Variants in KCNH8 observed in about 807,000 individuals in gnomAD.
KCNH8 encodes the protein voltage-gated delayed rectifier potassium channel KCNH8.
In KCNH8, 70 loss-of-function variants were observed where a neutral mutation model predicts 103.6. The ratio of observed to expected loss-of-function variants is 0.68; its 90% CI spans 0.56 to 0.82. The LOEUF (loss-of-function observed/expected upper bound fraction) is 0.82. Ranked by LOEUF, KCNH8 falls within the 40% of genes least tolerant of loss-of-function variation. The pLI, the probability that KCNH8 is intolerant of heterozygous loss-of-function variation, is 0.00. For synonymous variants in KCNH8, 498 were observed against 489.4 expected (o/e 1.02, Z -0.23); for missense variants, 1,217 against 1,329.9 (o/e 0.92, Z 1.32).
intron 1 of KCNH8, among the ~76,000 whole-genome samples, chr3:19,167,413 AT>A (rs1480701633): frequency 3.3e-5 from 5 of 152,358 alleles, no homozygotes; most frequent in African/African-American, 1.2e-4. Flanking sequence ...AATGTGAATC[AT>A]TTTATAAAAT....
At chr3:19,256,452 A>G (rs928883161) in intron 2 of KCNH8, among the ~76,000 whole-genome samples, 10 of 152,140 alleles carry the variant, frequency 6.6e-5, no homozygotes, top group Admixed American at 4.6e-4. Flanking sequence ...CTGAGATAAA[A>G]GAAAATGCAG....
chr3:19,152,734 G>A (rs1187314950), intron 1 of KCNH8, among the ~76,000 whole-genome samples: 3 of 152,116 alleles, frequency 2.0e-5, no homozygotes, highest in Non-Finnish European at 4.4e-5. Context: ...CCAGCAGTTC[G>A]AGACCAGCCT....
At chr3:19,246,021 G>A (rs2064199732) in intron 1 of KCNH8, among the ~76,000 whole-genome samples, 1 of 152,024 alleles carries the variant, frequency 6.6e-6, no homozygotes, top group Non-Finnish European at 1.5e-5. Context: ...CAACACTAAA[G>A]CTCATATAGG....
chr3:19,386,931 A>C (rs2066365590), intron 5 of KCNH8, among the ~76,000 whole-genome samples: 1 of 152,138 alleles, frequency 6.6e-6, no homozygotes, highest in Non-Finnish European at 1.5e-5. Flanking sequence ...CAGATCTAGA[A>C]AGCTCTTTTC....
intron 1 of KCNH8, among the ~76,000 whole-genome samples, chr3:19,181,087 CATGAT>C (rs892057833): frequency 6.6e-6 from 1 of 152,092 alleles, no homozygotes; most frequent in Non-Finnish European, 1.5e-5. Flanking sequence ...TTTCCAGTAA[CATGAT>C]ATATTTTTAT....
chr3:19,472,733 G>A (rs757394722), intron 11 of KCNH8, among the ~76,000 whole-genome samples: 9 of 152,190 alleles, frequency 5.9e-5, no homozygotes, highest in Admixed American at 1.3e-4. Flanking sequence ...TATAATATAA[G>A]TGAATTACAT....
chr3:19,168,982 A>G (rs905420185), intron 1 of KCNH8, among the ~76,000 whole-genome samples: 1 of 152,182 alleles, frequency 6.6e-6, no homozygotes, highest in Admixed American at 6.5e-5. Context: ...CAACAGGAGC[A>G]AGTCTGGGAT....
chr3:19,264,239 G>GT (rs1037095852), intron 2 of KCNH8, among the ~76,000 whole-genome samples: 6 of 152,208 alleles, frequency 3.9e-5, no homozygotes, highest in African/African-American at 1.2e-4. Flanking sequence ...TAGCAGAAAG[G>GT]CAAAGGGTTG....
chr3:19,277,258 T>C (rs142249134), intron 2 of KCNH8, among the ~76,000 whole-genome samples: 1 of 152,252 alleles, frequency 6.6e-6, no homozygotes, highest in East Asian at 1.9e-4. Flanking sequence ...CACTGAACTG[T>C]ATATTTAAAA....
intron 11 of KCNH8, among the ~76,000 whole-genome samples, chr3:19,494,835 C>G (rs1419862461): frequency 6.6e-6 from 1 of 152,076 alleles, no homozygotes; most frequent in African/African-American, 2.4e-5. Context: ...TATAAGTGTT[C>G]CTTTTCCCCC....
intron 1 of KCNH8, among the ~76,000 whole-genome samples, chr3:19,179,233 C>T (rs1415293058): frequency 6.6e-6 from 1 of 151,888 alleles, no homozygotes; most frequent in East Asian, 1.9e-4. Context: ...GCCAAATATG[C>T]ATATCTGTGG....
intron 1 of KCNH8, among the ~76,000 whole-genome samples, chr3:19,204,102 A>C (rs900319911): frequency 2.6e-5 from 4 of 152,060 alleles, no homozygotes; most frequent in African/African-American, 9.7e-5. Flanking sequence ...ATTCACTGTT[A>C]AATATCATGT....
intron 2 of KCNH8, among the ~76,000 whole-genome samples, chr3:19,279,520 C>T (rs2064726023): frequency 6.6e-6 from 1 of 150,960 alleles, no homozygotes; most frequent in South Asian, 2.1e-4. Flanking sequence ...ATGAGATTGC[C>T]ATGGCATAGA....
chr3:19,362,799 C>T (rs958717820), intron 5 of KCNH8, among the ~76,000 whole-genome samples: 2 of 152,130 alleles, frequency 1.3e-5, no homozygotes, highest in African/African-American at 4.8e-5. Context: ...GCTGGGATTA[C>T]AGGCATGTGC....
intron 7 of KCNH8, among the ~76,000 whole-genome samples, chr3:19,411,791 A>G (rs1039044547): frequency 6.6e-6 from 1 of 151,906 alleles, no homozygotes; most frequent in African/African-American, 2.4e-5. Context: ...ACACACACAC[A>G]CACACAGACT....
intron 11 of KCNH8, among the ~76,000 whole-genome samples, chr3:19,501,504 T>TA (rs1361339637): frequency 2.0e-5 from 3 of 151,950 alleles, no homozygotes; most frequent in African/African-American, 7.3e-5. Flanking sequence ...TATCCCTGAT[T>TA]AACACTGATG....
chr3:19,277,871 G>A (rs2064697114), intron 2 of KCNH8, among the ~76,000 whole-genome samples: 1 of 152,112 alleles, frequency 6.6e-6, no homozygotes, highest in Non-Finnish European at 1.5e-5. Flanking sequence ...AACCCACATG[G>A]TAATTACTGC....
chr3:19,492,778 G>A (rs2068350830), intron 11 of KCNH8, among the ~76,000 whole-genome samples: 1 of 151,352 alleles, frequency 6.6e-6, no homozygotes, highest in East Asian at 1.9e-4. Flanking sequence ...TGGCCAGCAT[G>A]GTCATTTTCA....
intron 11 of KCNH8, among the ~76,000 whole-genome samples, chr3:19,498,791 C>T (rs1303145535): frequency 6.6e-6 from 1 of 151,962 alleles, no homozygotes; most frequent in Non-Finnish European, 1.5e-5. Flanking sequence ...GTTAGTTTTC[C>T]TTCTAACAGA....
Sources: gnomAD v4.1 joint callset for allele counts (sites outside exome capture counted in the v4.1 genomes callset) on GRCh38, gnomAD v4.1.1 for gene constraint, MANE v1.5 for transcripts, NCBI Gene and HGNC (gene_info 2026-07-23, HGNC 2026-07-21) for gene names.